The following CD96 variants were observed in gnomAD, a reference collection of about 807,000 sequenced individuals.
CD96 encodes the protein CD96 molecule, also known as T-cell surface protein tactile.
CD96 carries 70 observed loss-of-function variants against 71.3 expected under a neutral mutation model. The observed-to-expected ratio is 0.98, with a 90% CI of 0.81 to 1.20. The LOEUF is 1.20. Ranked by LOEUF, CD96 falls within the 50% of genes most tolerant of loss-of-function variation. CD96 has a pLI of 0.00. For missense variants in CD96, 742 were observed against 677.5 expected, an observed-to-expected ratio of 1.10 and a Z score of -1.06; for synonymous variants, 248 against 233.0, an observed-to-expected ratio of 1.06 and a Z score of -0.59.
At chr3:111,562,022 C>T (rs1488707124) in intron 2 of CD96, among the ~76,000 whole-genome samples, 2 of 152,206 alleles carry the variant, frequency 1.3e-5, no homozygotes, top group African/African-American at 4.8e-5. Context: ...AACTCCCTGA[C>T]CCCTTGCACT....
intron 2 of CD96, among the ~76,000 whole-genome samples, chr3:111,556,776 C>T (rs1390318195): frequency 1.3e-5 from 2 of 151,920 alleles, no homozygotes. Flanking sequence ...TGAGGAATCA[C>T]CACACTGACT....
chr3:111,585,567 G>C (rs957254085), intron 5 of CD96, among the ~76,000 whole-genome samples, 189 bp downstream of exon 5: 1 of 151,958 alleles, frequency 6.6e-6, no homozygotes, highest in Non-Finnish European at 1.5e-5. Context: ...TTAGACTTAG[G>C]GCTCTCAGAA....
intron 5 of CD96, among the ~76,000 whole-genome samples, chr3:111,596,278 A>G (rs1426127016): frequency 1.3e-5 from 2 of 152,072 alleles, no homozygotes; most frequent in African/African-American, 2.4e-5. Flanking sequence ...GAAAAAAAAG[A>G]TGGGGGAAAA....
chr3:111,574,330 T>C (rs1039401609), intron 3 of CD96, among the ~76,000 whole-genome samples: 3 of 152,134 alleles, frequency 2.0e-5, no homozygotes, highest in African/African-American at 7.2e-5. Flanking sequence ...TCAAAAGAAA[T>C]GTTCAATGGA....
chr3:111,628,987 C>A (rs369993462), intron 10 of CD96, among the ~76,000 whole-genome samples: 1 of 152,182 alleles, frequency 6.6e-6, no homozygotes, highest in East Asian at 1.9e-4. Context: ...ACCACCAGAT[C>A]TGCTTTAGAA....
In CD96 at chr3:111,577,598, G is replaced by T. The variant is rs778827565; in HGVS notation, c.544-1429G>T. 5 of 1,189,882 alleles carry T rather than the reference G, an allele frequency of 4.2e-6. No individual in the cohort carries two copies. The Admixed American group carries it at 8.4e-5, about 20-fold the overall frequency. 73.7% of individuals were successfully genotyped at this position (1,189,882 alleles called of 1,614,324 possible). A position where few individuals can be genotyped will look rare whatever the true frequency, so the allele number is the denominator to read the frequency against. On this transcript the variant is annotated intron_variant, in intron 3 of 13. Transcript: ENST00000352690. ...AGAATTCAGCAGAGTATGATTATTT[G>T]CAGGCAATAACACAATACTATCTGT...
rs559686323 is a variant in CD96 at position 111,644,601 on chromosome 3, C to T, written c.1478-2942C>T. The stretch of plus-strand genomic sequence containing the variant: ...GATGACCCAGAGAGTGAGAGAAAAC[C>T]TTCACAATCTATACTTCTGACAAAG... On this transcript the variant is annotated intron_variant, in intron 12 of 13. Coordinates refer to ENST00000352690, the MANE Select transcript of CD96 (RefSeq NM_005816.5). 2.6e-5 allele frequency among the ~76,000 whole-genome samples: 4 copies of T among 152,030 alleles called. No homozygotes were observed. The South Asian group carries it at 8.3e-4, about 32-fold the overall frequency.
At chr3:111,611,686 C>A (rs752773004) in intron 8 of CD96, among the ~76,000 whole-genome samples, 2 of 152,150 alleles carry the variant, frequency 1.3e-5, no homozygotes, top group Admixed American at 6.5e-5. Flanking sequence ...GGGAAGTCTT[C>A]ATGCAGGGTC....
intron 10 of CD96, among the ~76,000 whole-genome samples, chr3:111,625,223 T>C (rs1405517006): frequency 2.6e-5 from 4 of 152,222 alleles, no homozygotes; most frequent in African/African-American, 7.2e-5. Context: ...AGAACATGAA[T>C]AGGACTGCTC....
At chr3:111,555,654 T>C (rs1472074759) in intron 2 of CD96, among the ~76,000 whole-genome samples, 10 of 152,300 alleles carry the variant, frequency 6.6e-5, no homozygotes, top group Admixed American at 6.5e-4. Context: ...ACTTTTATAA[T>C]TTAGTCTTTC....
At chr3:111,603,570 A>C (rs1390084411) in intron 7 of CD96, among the ~76,000 whole-genome samples, 1 of 152,092 alleles carries the variant, frequency 6.6e-6, no homozygotes, top group Non-Finnish European at 1.5e-5. Flanking sequence ...AGTGGATAGG[A>C]GACATTTTGT....
intron 3 of CD96, among the ~76,000 whole-genome samples, chr3:111,572,695 A>G (rs1215249203): frequency 6.6e-6 from 1 of 152,230 alleles, no homozygotes; most frequent in Non-Finnish European, 1.5e-5. Context: ...GAAACCCTGG[A>G]AACAATTTAC....
Position 111,554,078 on chromosome 3 carries a change from TGATA to T in CD96, c.418+8677_418+8680del, listed in dbSNP as rs546368359. Among the ~76,000 whole-genome samples, 101 of 152,214 alleles carry T rather than the reference TGATA, an allele frequency of 6.6e-4. 1 individual carries two copies. Among genetic ancestry groups the T allele is most frequent in the African/African-American group, 2.2e-3 (92 of 41,568 alleles). ...TATATAAGAATTCACTCATAATTTC[TGATA>T]CTTGCATGCTTTCTTTTATGAGCAT... is the stretch of plus-strand genomic sequence containing the variant. On this transcript the variant is annotated intron_variant, in intron 2 of 13. Transcript: ENST00000352690.
At position 111,558,375 on chromosome 3, in the gene CD96, C is replaced by T. The variant is rs1461309816; in HGVS notation, c.419-9148C>T. ...AGATAGCTCTTATCATTTTGAAATA[C>T]GTCCCATCAATACCGAATTTATTGA... On this transcript the variant is annotated intron_variant, in intron 2 of 13. Transcript: ENST00000352690. Among the ~76,000 whole-genome samples, 3 of 138,972 alleles carry T rather than the reference C, an allele frequency of 2.2e-5. No homozygotes were observed. The South Asian group carries it at 6.9e-4, about 32-fold the overall frequency. 91.2% of individuals were successfully genotyped at this position (138,972 alleles called of 152,430 possible). A position where few individuals can be genotyped will look rare whatever the true frequency, so the allele number is the denominator to read the frequency against.
In CD96 at chr3:111,647,633, G is replaced by C; in HGVS notation, c.1568G>C (p.Gly523Ala). Residue 523 changes from glycine (G) to alanine (A), a missense_variant, in exon 13 of 14, where the codon GGA becomes GCA. Coordinates refer to ENST00000352690, the MANE Select transcript of CD96 (RefSeq NM_005816.5). Reference sequence around the variant, plus strand: ...TGCTGCATGATATTGTTTGGTCTTGGAGTGAGAAAATGGTGTCAGTACCAA... The same window carrying C: ...TGCTGCATGATATTGTTTGGTCTTGCAGTGAGAAAATGGTGTCAGTACCAA... Reference protein sequence around the residue: ...LFCCMILFGLGVRKWCQYQKE... With the variant: ...LFCCMILFGLAVRKWCQYQKE... 2 of 1,611,426 alleles carry C rather than the reference G, an allele frequency of 1.2e-6. No individual in the cohort carries two copies. Among genetic ancestry groups the C allele is most frequent in the Non-Finnish European group, 1.7e-6 (2 of 1,177,684 alleles).
At chr3:111,593,495 T>C in intron 5 of CD96, 2 of 1,501,108 alleles carry the variant, frequency 1.3e-6, no homozygotes, top group Non-Finnish European at 1.8e-6. Flanking sequence ...AATGGCTCTT[T>C]TCTACAAGTC....
intron 14 of CD96, among the ~76,000 whole-genome samples, chr3:111,661,083 A>T (rs1344020322): frequency 6.6e-6 from 1 of 152,212 alleles, no homozygotes; most frequent in East Asian, 1.9e-4. Context: ...CAGGAAACTT[A>T]ACAATCATGG....
At chr3:111,617,461 G>A (rs1415303525) in intron 8 of CD96, among the ~76,000 whole-genome samples, 1 of 152,152 alleles carries the variant, frequency 6.6e-6, no homozygotes, top group Non-Finnish European at 1.5e-5. Context: ...TGAAAAACCG[G>A]GGATTCAGCC....
chr3:111,607,224 G>T, intron 8 of CD96: 1 of 212,532 alleles, frequency 4.7e-6, no homozygotes, highest in African/African-American at 2.4e-5. Context: ...ATAAATGACA[G>T]TCATTCTCCA....
Sources: allele counts gnomAD v4.1 joint callset (sites outside exome capture counted in the v4.1 genomes callset), GRCh38; gene constraint gnomAD v4.1.1; transcripts MANE v1.5; gene names NCBI Gene and HGNC (gene_info 2026-07-23, HGNC 2026-07-21).